The following NUP98 variants were observed in gnomAD, a reference collection of about 807,000 sequenced individuals.
NUP98 encodes nuclear pore complex protein Nup98-Nup96.
Under a neutral mutation model 191.9 loss-of-function variants are expected in NUP98, and 26 were observed. The ratio of observed to expected loss-of-function variants is 0.14; its 90% CI spans 0.10 to 0.19. The LOEUF (loss-of-function observed/expected upper bound fraction) is 0.19, where lower values mean the gene tolerates loss of function less well. Ranked by LOEUF, NUP98 falls within the 10% of genes least tolerant of loss-of-function variation. NUP98 has a pLI of 1.00. For missense variants in NUP98, 1,941 were observed against 2,178.8 expected (o/e 0.89, Z 2.17); for synonymous variants, 808 against 778.4 (o/e 1.04, Z -0.63).
intron 11 of NUP98, among the ~76,000 whole-genome samples, chr11:3,752,869 C>G (rs907486104): frequency 6.6e-6 from 1 of 152,136 alleles, no homozygotes; most frequent in African/African-American, 2.4e-5. Flanking sequence ...AGGGGTGACA[C>G]TGGTCTATAT....
chr11:3,757,111 C>A (rs945820878), intron 10 of NUP98, among the ~76,000 whole-genome samples: 17 of 133,312 alleles, frequency 1.3e-4, no homozygotes, highest in South Asian at 4.8e-4. Flanking sequence ...ATATATATAT[C>A]TATATATCTA....
In NUP98 at chr11:3,779,794, G is replaced by A. The variant is rs57118936; in HGVS notation, c.77-537C>T. Among the ~76,000 whole-genome samples the A allele has an allele frequency of 4.0e-3, 612 of 152,030 alleles. 1 individual carries two copies. The highest frequency in any genetic ancestry group is 0.014 in the African/African-American group (586 of 41,458). On this transcript the variant is annotated intron_variant, in intron 2 of 32. Transcript: ENST00000324932. The stretch of plus-strand genomic sequence containing the variant: ...AAGTATGAAAATTTAAAGTCAAAAG[G>A]AGTGACTTTTCAATAAAAGTTACAG...
chr11:3,789,915 G>A (rs998774803), intron 1 of NUP98, among the ~76,000 whole-genome samples: 3 of 152,152 alleles, frequency 2.0e-5, no homozygotes, highest in African/African-American at 7.2e-5. Flanking sequence ...CTCTCGAGAA[G>A]ATGGGACTAC....
chr11:3,732,568 T>A (rs191141950), intron 13 of NUP98, among the ~76,000 whole-genome samples: 29 of 152,294 alleles, frequency 1.9e-4, no homozygotes, highest in African/African-American at 6.7e-4. Context: ...CTTGTATTTA[T>A]CCATCTTTTA....
At chr11:3,679,520 G>A (rs1414454699) in intron 31 of NUP98, 34 bp downstream of exon 31, 15 of 1,613,362 alleles carry the variant, frequency 9.3e-6, no homozygotes, top group Admixed American at 1.7e-5. Flanking sequence ...CTGAGAAAAG[G>A]AAAATCAGGC....
At chr11:3,692,675 T>C (rs1218219723) in intron 27 of NUP98, among the ~76,000 whole-genome samples, 1 of 152,212 alleles carries the variant, frequency 6.6e-6, no homozygotes, top group East Asian at 1.9e-4. Context: ...GTATTTCATC[T>C]GTCTTCAATG....
intron 9 of NUP98, 138 bp downstream of exon 9, chr11:3,762,764 C>A: frequency 1.2e-6 from 1 of 829,212 alleles, no homozygotes; most frequent in Non-Finnish European, 1.8e-6. Flanking sequence ...ATTTTTTGTT[C>A]TCAGAATCAA....
intron 12 of NUP98, among the ~76,000 whole-genome samples, chr11:3,735,673 C>CAT (rs1372462158): frequency 1.3e-5 from 2 of 151,772 alleles, no homozygotes; most frequent in Non-Finnish European, 2.9e-5. Flanking sequence ...CATAAAAAGC[C>CAT]ATAGTCTTTG....
intron 8 of NUP98, among the ~76,000 whole-genome samples, chr11:3,763,550 G>A (rs780201854): frequency 6.6e-6 from 1 of 152,174 alleles, no homozygotes; most frequent in Non-Finnish European, 1.5e-5. Flanking sequence ...CGAGTGTTAT[G>A]TTAAAGAGCC....
chr11:3,715,518 G>A (rs2079152432), intron 18 of NUP98, among the ~76,000 whole-genome samples: 1 of 151,964 alleles, frequency 6.6e-6, no homozygotes, highest in Admixed American at 6.6e-5. Flanking sequence ...TAGTGATGTT[G>A]GGCATCTTTT....
intron 1 of NUP98, among the ~76,000 whole-genome samples, chr11:3,796,220 C>T (rs567249448): frequency 1.9e-4 from 29 of 152,274 alleles, no homozygotes; most frequent in African/African-American, 6.3e-4. Flanking sequence ...TACTATAATA[C>T]TTCACTTTGA....
chr11:3,696,302 G>C (rs1355465895), intron 25 of NUP98, among the ~76,000 whole-genome samples: 2 of 152,178 alleles, frequency 1.3e-5, no homozygotes, highest in Non-Finnish European at 2.9e-5. Flanking sequence ...AGGAGTTCGA[G>C]ACCAACCTCG....
At chr11:3,740,356 C>T (rs909458904) in intron 12 of NUP98, among the ~76,000 whole-genome samples, 1 of 151,896 alleles carries the variant, frequency 6.6e-6, no homozygotes, top group Non-Finnish European at 1.5e-5. Flanking sequence ...ACTAAAAATA[C>T]AAAAATTAGC....
intron 28 of NUP98, among the ~76,000 whole-genome samples, chr11:3,690,556 G>A (rs1437998979): frequency 5.9e-5 from 9 of 152,096 alleles, no homozygotes; most frequent in Admixed American, 2.0e-4. Flanking sequence ...CACCGCACCC[G>A]GCCGCCTGCA....
intron 10 of NUP98, among the ~76,000 whole-genome samples, chr11:3,758,577 G>A (rs2081057459): frequency 6.6e-6 from 1 of 152,216 alleles, no homozygotes; most frequent in African/African-American, 2.4e-5. Context: ...CTGAGGTCAG[G>A]AGTTCAAAAC....
At chr11:3,791,571 A>G (rs1341728708) in intron 1 of NUP98, among the ~76,000 whole-genome samples, 3 of 146,966 alleles carry the variant, frequency 2.0e-5, no homozygotes, top group Non-Finnish European at 3.0e-5. Flanking sequence ...AAGGCTGGGC[A>G]TGGTGGCTCA....
At position 3,706,620 on chromosome 11, in the gene NUP98, C is replaced by A; in HGVS notation, c.2750G>T (p.Ser917Ile). The change falls in exon 21 of 33, where the codon AGC becomes ATC. Residue 917 changes from serine to isoleucine, a missense_variant. Ser to Ile is a moderately radical substitution (Grantham distance 142). Around this residue, in one of 6 missense-constraint regions of NUP98, gnomAD observed 1,030 missense variants for 1,115.8 expected, o/e 0.92. Transcript: ENST00000324932. ...CCTCCCTAACTGCTCCACCTCTGGG[C>A]TCTGGCTCTGTAGACAGCAGAAAGA... ...GKPAPPPQSQ[S>I]PEVEQLGRVV... The A allele has an allele frequency of 6.2e-7, 1 of 1,613,674 alleles. No homozygotes were observed. Among genetic ancestry groups the A allele is most frequent in the Non-Finnish European group, 8.5e-7 (1 of 1,179,938 alleles).
At chr11:3,709,374 A>G (rs2078963661) in intron 20 of NUP98, among the ~76,000 whole-genome samples, 1 of 152,118 alleles carries the variant, frequency 6.6e-6, no homozygotes, top group Non-Finnish European at 1.5e-5. Flanking sequence ...CCCCATCTCC[A>G]CAAAAAATAA....
intron 12 of NUP98, among the ~76,000 whole-genome samples, chr11:3,740,776 G>A (rs933140060): frequency 6.6e-5 from 10 of 151,424 alleles, no homozygotes; most frequent in African/African-American, 9.7e-5. Flanking sequence ...CCCTACTCAC[G>A]TACAAAGAGT....
Sources: allele counts gnomAD v4.1 joint callset (sites outside exome capture counted in the v4.1 genomes callset), GRCh38; gene constraint gnomAD v4.1.1; regional missense constraint gnomAD v4.1.1; transcripts MANE v1.5; gene names NCBI Gene and HGNC (gene_info 2026-07-23, HGNC 2026-07-21).